The following THRAP3 variants were observed in gnomAD, a reference collection of about 807,000 sequenced individuals.
THRAP3 encodes the protein thyroid hormone receptor associated protein 3.
A neutral mutation model predicts 101.0 loss-of-function variants in THRAP3; 16 were observed. The observed-to-expected ratio is 0.16, with a 90% CI of 0.11 to 0.24. THRAP3 has a LOEUF of 0.24. Among genes scored for constraint, THRAP3 ranks in the 10% least tolerant of loss-of-function variants. The probability of loss-of-function intolerance (pLI) is 1.00; values close to 1 mark genes in which losing one functional copy is unlikely to be tolerated. For missense variants in THRAP3, 989 were observed against 1,202.7 expected (o/e 0.82, Z 2.63); for synonymous variants, 407 against 422.6 (o/e 0.96, Z 0.45).
chr1:36,256,213 A>ATTATTATTG (rs1360312854), intron 1 of THRAP3, among the ~76,000 whole-genome samples: 5 of 129,060 alleles, frequency 3.9e-5, no homozygotes, highest in Admixed American at 3.1e-4. Flanking sequence ...TATTATTGTT[A>ATTATTATTG]TTATTGTTAT....
At chr1:36,279,856 A>G (rs890731516) in intron 2 of THRAP3, among the ~76,000 whole-genome samples, 2 of 152,222 alleles carry the variant, frequency 1.3e-5, no homozygotes, top group Non-Finnish European at 2.9e-5. Flanking sequence ...CAGTTTATCT[A>G]TATCTTGTCA....
At chr1:36,254,004 G>C (rs191473242) in intron 1 of THRAP3, among the ~76,000 whole-genome samples, 106 of 152,116 alleles carry the variant, frequency 7.0e-4, no homozygotes, top group South Asian at 1.9e-3. Context: ...TAGTGGTTAA[G>C]GGTGGTTCTT....
At chr1:36,290,102 C>G (rs571296377) in intron 5 of THRAP3, among the ~76,000 whole-genome samples, 14 of 152,168 alleles carry the variant, frequency 9.2e-5, no homozygotes, top group Non-Finnish European at 1.3e-4. Context: ...TCGTTCCTAG[C>G]TGGGTTGCCA....
intron 1 of THRAP3, among the ~76,000 whole-genome samples, chr1:36,247,420 G>A (rs931118658): frequency 2.0e-4 from 31 of 152,088 alleles, no homozygotes; most frequent in African/African-American, 7.0e-4. Context: ...GGCCTCGTAG[G>A]TTCAAGCTAT....
intron 2 of THRAP3, among the ~76,000 whole-genome samples, chr1:36,268,816 C>G (rs1009845361): frequency 6.6e-6 from 1 of 151,980 alleles, no homozygotes; most frequent in Non-Finnish European, 1.5e-5. Context: ...AGCTCCACCT[C>G]CCAGGTTCAA....
In THRAP3 at chr1:36,287,083, T is replaced by G. The variant is rs751138766; in HGVS notation, c.853T>G (p.Ser285Ala). ...ACTTTCCAGCACATCCCAGATGGGC[T>G]CAACTCTGCCGAGTGGTGCCGGGTA... ...PPLSSTSQMG[S>A]TLPSGAGYQS... Residue 285 changes from serine (S) to alanine (A), a missense_variant, in exon 4 of 12, where the codon TCA (serine) becomes GCA (alanine). By Grantham distance (99) the Ser-to-Ala change is moderately conservative (BLOSUM62 1). Transcript: ENST00000354618. 1 of 1,613,916 alleles carries G rather than the reference T, an allele frequency of 6.2e-7. No individual in the cohort carries two copies. Among genetic ancestry groups the G allele is most frequent in the African/African-American group, 1.3e-5 (1 of 74,880 alleles).
chr1:36,268,247 A>ATT (rs112516397), intron 2 of THRAP3, among the ~76,000 whole-genome samples: 2 of 146,636 alleles, frequency 1.4e-5, no homozygotes, highest in Non-Finnish European at 3.0e-5. Flanking sequence ...GGTCAGCATC[A>ATT]TTTTTTTTTT....
chr1:36,249,181 C>T (rs1356983850), intron 1 of THRAP3, among the ~76,000 whole-genome samples: 1 of 145,770 alleles, frequency 6.9e-6, no homozygotes. Flanking sequence ...CCGCACCCAG[C>T]CAGCACAGTC....
intron 1 of THRAP3, among the ~76,000 whole-genome samples, chr1:36,250,482 G>GAT (rs1166452580): frequency 6.6e-6 from 1 of 152,010 alleles, no homozygotes; most frequent in African/African-American, 2.4e-5. Context: ...AAAGTTCTGG[G>GAT]ATTACAGGCG....
In THRAP3 at chr1:36,242,016, A is replaced by G. The variant is rs575315460; in HGVS notation, c.-134-17366A>G. On this transcript the variant is annotated intron_variant, in intron 1 of 11. Coordinates refer to ENST00000354618, the MANE Select transcript of THRAP3 (RefSeq NM_005119.4). Reference sequence around the variant, plus strand: ...GTTGTATGGATTTTGCCATTTTGCTAACACTGGTATGCTCCATGCATCCAC... The same window carrying G: ...GTTGTATGGATTTTGCCATTTTGCTGACACTGGTATGCTCCATGCATCCAC... The G allele has an allele frequency of 1.7e-4, 31 of 177,442 alleles. No individual in the cohort carries two copies. In the South Asian group the frequency reaches 2.1e-3, roughly 12 times the overall value. The allele number at this position is 177,442 out of a possible 1,614,324, so 11.0% of individuals were successfully genotyped here.
At chr1:36,229,387 T>C (rs1389653743) in intron 1 of THRAP3, among the ~76,000 whole-genome samples, 1 of 148,700 alleles carries the variant, frequency 6.7e-6, no homozygotes, top group African/African-American at 2.5e-5. Context: ...TGAGCCACCG[T>C]GTCTGGTCTA....
At chr1:36,293,171 A>C (rs1645900238) in intron 7 of THRAP3, among the ~76,000 whole-genome samples, 1 of 150,996 alleles carries the variant, frequency 6.6e-6, no homozygotes, top group Non-Finnish European at 1.5e-5. Context: ...TGGGATTACA[A>C]ACGTGTGCCA....
At chr1:36,251,469 A>G (rs894165714) in intron 1 of THRAP3, among the ~76,000 whole-genome samples, 1 of 152,120 alleles carries the variant, frequency 6.6e-6, no homozygotes, top group Non-Finnish European at 1.5e-5. Flanking sequence ...GTACATTGAG[A>G]CCTTGAGGCA....
chr1:36,220,306 T>C (rs111452084), upstream of THRAP3, among the ~76,000 whole-genome samples: 1,484 of 152,294 alleles, frequency 9.7e-3, 27 homozygotes, highest in African/African-American at 0.034. Context: ...ATGTTGTTTT[T>C]ATGCCTGCTA....
chr1:36,241,036 C>T (rs1279119369), intron 1 of THRAP3, among the ~76,000 whole-genome samples: 2 of 151,954 alleles, frequency 1.3e-5, no homozygotes, highest in African/African-American at 4.8e-5. Context: ...GAAACCCCGT[C>T]TCTACTAAAA....
At position 36,286,621 on chromosome 1, in the gene THRAP3, A is replaced by G; in HGVS notation, c.391A>G (p.Lys131Glu). 1.2e-6 allele frequency: 2 copies of G among 1,614,186 alleles called. No individual in the cohort carries two copies. The highest frequency in any genetic ancestry group is 1.7e-6 in the Non-Finnish European group (2 of 1,180,040). ...AGGCCGTTCAAGATCCCGGTCCCCA[A>G]AGAGAAGGTCCCCTTCACCAAGGTC... ...RRGRSRSRSP[K>E]RRSPSPRSRS... Residue 131 changes from lysine to glutamate, a missense_variant, in exon 4 of 12, where the codon AAG (lysine) becomes GAG (glutamate). Transcript: ENST00000354618. The surrounding 1 kb of genome is among the most constrained non-coding windows in gnomAD (Gnocchi z 5.5).
chr1:36,286,831 G>A lies in THRAP3; in HGVS notation c.601G>A (p.Ala201Thr), dbSNP rs768524245. Reference sequence around the variant, plus strand: ...TGCCGGGGATAACCAGGGAGATGAGGCCAAGGAGCAGACATTCTCTGGAGG... The same window carrying A: ...TGCCGGGGATAACCAGGGAGATGAGACCAAGGAGCAGACATTCTCTGGAGG... ...QAAGDNQGDE[A>T]KEQTFSGGTS... Residue 201 changes from alanine to threonine, a missense_variant, in exon 4 of 12, where the codon GCC becomes ACC. Coordinates refer to ENST00000354618, the MANE Select transcript of THRAP3 (RefSeq NM_005119.4). This position sits in a 1 kb window ranked among gnomAD's most constrained non-coding sequence, Gnocchi z 5.5. 6.2e-7 allele frequency: 1 copy of A among 1,614,206 alleles called. No homozygotes were observed. The highest frequency in any genetic ancestry group is 8.5e-7 in the Non-Finnish European group (1 of 1,180,046).
chr1:36,259,198 G>A (rs1432253414), intron 1 of THRAP3, among the ~76,000 whole-genome samples, 184 bp from the exon 2 acceptor site: 1 of 152,164 alleles, frequency 6.6e-6, no homozygotes, highest in African/African-American at 2.4e-5. Context: ...TACTGTAGGA[G>A]GTTAGATGAA....
At chr1:36,279,055 A>T (rs1320403926) in intron 2 of THRAP3, among the ~76,000 whole-genome samples, 2 of 152,230 alleles carry the variant, frequency 1.3e-5, no homozygotes, top group Non-Finnish European at 2.9e-5. Flanking sequence ...TCTTGAGTGC[A>T]CTTGTCAATT....
Sources: allele counts gnomAD v4.1 joint callset (sites outside exome capture counted in the v4.1 genomes callset), GRCh38; gene constraint gnomAD v4.1.1; non-coding constraint Gnocchi (gnomAD v3.1); transcripts MANE v1.5; gene names NCBI Gene and HGNC (gene_info 2026-07-23, HGNC 2026-07-21).